FTCDNL1: variants seen among roughly 807,000 people sequenced by gnomAD.
FTCDNL1 encodes formiminotransferase N-terminal subdomain-containing protein.
In FTCDNL1, 11 loss-of-function variants were observed where a neutral mutation model predicts 5.9. The observed-to-expected ratio is 1.87, with a 90% CI of 1.18 to 3.10. The LOEUF (loss-of-function observed/expected upper bound fraction) is 3.10. Ranked by LOEUF, FTCDNL1 falls within the 30% of genes most tolerant of loss-of-function variation. The pLI is 0.00. For synonymous variants in FTCDNL1, 58 were observed against 24.8 expected (o/e 2.34, Z -3.99); for missense variants, 115 against 65.5 (o/e 1.76, Z -2.61).
At chr2:199,770,086 C>T (rs1698737156) in intron 3 of FTCDNL1, among the ~76,000 whole-genome samples, 1 of 152,194 alleles carries the variant, frequency 6.6e-6, no homozygotes. Context: ...TCCTCTGTTT[C>T]AGGCCTCTTC....
At chr2:199,815,170 T>TA (rs1701279163) in intron 4 of FTCDNL1, among the ~76,000 whole-genome samples, 1 of 152,242 alleles carries the variant, frequency 6.6e-6, no homozygotes, top group South Asian at 2.1e-4. Context: ...TATCAACTAT[T>TA]ACTGCTTTGC....
rs1293750293 is a variant in FTCDNL1, at chr2:199,844,590, A to G, written c.211+1485T>C. 2.2e-5 allele frequency: 10 copies of G among 444,820 alleles called. No individual in the cohort carries two copies. In the Admixed American group the frequency reaches 4.0e-4, roughly 18 times the overall value. The allele number at this position is 444,820 out of a possible 1,614,324, so 27.6% of individuals were successfully genotyped here. ...CAGCTTTCAACTGCATCTAAAGAAA[A>G]AGCTATGATTTTGTTGGTCCCCTAG... On this transcript the variant is annotated intron_variant, in intron 3 of 4. Coordinates refer to ENST00000420128, the MANE Select transcript of FTCDNL1 (RefSeq NM_001363886.2).
the FTCDNL1 span, among the ~76,000 whole-genome samples, chr2:199,704,545 A>T: frequency 6.6e-6 from 1 of 152,118 alleles, no homozygotes; most frequent in Non-Finnish European, 1.5e-5. Flanking sequence ...GTGAAATGAG[A>T]AGAGACTTGT....
rs200041055 is a variant in FTCDNL1, at chr2:199,850,720, T to G, written c.-8+20A>C. 1 of 152,194 alleles carries G rather than the reference T, an allele frequency of 6.6e-6. No homozygotes were observed. The highest frequency in any genetic ancestry group is 1.5e-5 in the Non-Finnish European group (1 of 68,062). The allele number at this position is 152,194 out of a possible 1,614,324, so 9.4% of individuals were successfully genotyped here. On this transcript the variant is annotated intron_variant, in intron 1 of 4. Transcript: ENST00000420128. Reference sequence around the variant, plus strand: ...CCCGCGGAGAACCTAGCCTAGCAAGTGCAAAGTGCAGCAGTTCACCTGCCC... The same window carrying G: ...CCCGCGGAGAACCTAGCCTAGCAAGGGCAAAGTGCAGCAGTTCACCTGCCC...
intron 3 of FTCDNL1, among the ~76,000 whole-genome samples, chr2:199,841,673 C>T (rs1193805288): frequency 6.6e-6 from 1 of 151,998 alleles, no homozygotes; most frequent in Non-Finnish European, 1.5e-5. Flanking sequence ...AAAATGTATT[C>T]ATGCTCTTTC....
the FTCDNL1 span, among the ~76,000 whole-genome samples, chr2:199,679,602 CA>C: frequency 6.6e-6 from 1 of 151,828 alleles, no homozygotes; most frequent in Non-Finnish European, 1.5e-5. Context: ...TTTTATCTCC[CA>C]TGGTGATTTG....
the FTCDNL1 span, among the ~76,000 whole-genome samples, chr2:199,748,246 A>G: frequency 1.8e-4 from 28 of 152,314 alleles, 1 homozygote; most frequent in Middle Eastern, 3.4e-3. Flanking sequence ...CATACTACGG[A>G]AAGAGTTTGA....
At chr2:199,718,749 T>A in the FTCDNL1 span, among the ~76,000 whole-genome samples, 32 of 152,220 alleles carry the variant, frequency 2.1e-4, no homozygotes, top group Non-Finnish European at 7.3e-5. Context: ...CCATCCAGAC[T>A]GGTGTAAGAC....
the FTCDNL1 span, among the ~76,000 whole-genome samples, chr2:199,725,927 G>T: frequency 6.6e-6 from 1 of 152,040 alleles, no homozygotes; most frequent in African/African-American, 2.4e-5. Flanking sequence ...TTTGAATGTT[G>T]GCCTGTCTTG....
the FTCDNL1 span, among the ~76,000 whole-genome samples, chr2:199,682,682 A>T: frequency 6.6e-6 from 1 of 152,248 alleles, no homozygotes; most frequent in African/African-American, 2.4e-5. Flanking sequence ...AAATTTTGCA[A>T]TTAGCAACAA....
downstream of FTCDNL1, among the ~76,000 whole-genome samples, chr2:199,808,204 C>T (rs1700834186): frequency 6.6e-6 from 1 of 152,172 alleles, no homozygotes; most frequent in South Asian, 2.1e-4. Context: ...GTACAGCCTG[C>T]AGAACCATGA....
At chr2:199,673,327 C>CAAAAAA in the FTCDNL1 span, among the ~76,000 whole-genome samples, 7 of 69,760 alleles carry the variant, frequency 1.0e-4, no homozygotes, top group African/African-American at 4.2e-4. Flanking sequence ...GACTCTGTCT[C>CAAAAAA]AAAAAAAAAA....
the FTCDNL1 span, among the ~76,000 whole-genome samples, chr2:199,678,607 T>C: frequency 6.6e-6 from 1 of 152,162 alleles, no homozygotes. Context: ...AAAATATTTA[T>C]ATTAAGTGTA....
the FTCDNL1 span, among the ~76,000 whole-genome samples, chr2:199,672,914 T>C: frequency 1.3e-5 from 2 of 151,974 alleles, no homozygotes; most frequent in African/African-American, 4.8e-5. Context: ...ACCTGACCCA[T>C]GTTCAAAGGA....
intron 3 of FTCDNL1, among the ~76,000 whole-genome samples, chr2:199,823,674 T>C (rs1455573803): frequency 6.6e-6 from 1 of 152,240 alleles, no homozygotes; most frequent in Non-Finnish European, 1.5e-5. Context: ...GGGCTTAAGA[T>C]ATTCAGTAAA....
At chr2:199,767,987 A>G (rs911569508) in intron 3 of FTCDNL1, among the ~76,000 whole-genome samples, 5 of 152,232 alleles carry the variant, frequency 3.3e-5, no homozygotes, top group African/African-American at 1.2e-4. Context: ...TTCTCAATTA[A>G]CTGACATTAT....
At chr2:199,665,447 T>C in the FTCDNL1 span, among the ~76,000 whole-genome samples, 1 of 151,790 alleles carries the variant, frequency 6.6e-6, no homozygotes, top group Non-Finnish European at 1.5e-5. Flanking sequence ...GCCTGGCCAA[T>C]GTGGTGAAAC....
the FTCDNL1 span, among the ~76,000 whole-genome samples, chr2:199,693,489 C>A: frequency 6.6e-6 from 1 of 152,128 alleles, no homozygotes; most frequent in African/African-American, 2.4e-5. Context: ...AGTGACAAAT[C>A]TTATATTCTT....
chr2:199,763,966 T>A (rs758933499), intron 3 of FTCDNL1, among the ~76,000 whole-genome samples: 11 of 152,204 alleles, frequency 7.2e-5, no homozygotes, highest in Non-Finnish European at 1.2e-4. Context: ...CTCAGCCACC[T>A]GAGTTGCTGG....
Sources: allele counts gnomAD v4.1 joint callset (sites outside exome capture counted in the v4.1 genomes callset), GRCh38; gene constraint gnomAD v4.1.1; transcripts MANE v1.5; gene names NCBI Gene and HGNC (gene_info 2026-07-23, HGNC 2026-07-21).